Variants in SRBD1 observed in about 807,000 individuals in gnomAD.
SRBD1 encodes the protein S1 RNA-binding domain-containing protein 1.
In SRBD1, 88 loss-of-function variants were observed where a neutral mutation model predicts 115.3. That is an observed-to-expected ratio of 0.76 (90% CI 0.64 to 0.91). The LOEUF is 0.91. SRBD1 is among the 40% of genes least tolerant of loss of function. The pLI is 0.00. For missense variants in SRBD1, 1,385 were observed against 1,177.4 expected (o/e 1.18, Z -2.58); for synonymous variants, 509 against 407.7 (o/e 1.25, Z -2.99).
At chr2:45,417,698 A>C (rs1034030769) in intron 18 of SRBD1, among the ~76,000 whole-genome samples, 1 of 152,138 alleles carries the variant, frequency 6.6e-6, no homozygotes, top group Non-Finnish European at 1.5e-5. Flanking sequence ...AAAATAAAGA[A>C]ATTTAGCTCT....
chr2:45,457,457 T>C (rs1326132686), intron 16 of SRBD1, among the ~76,000 whole-genome samples: 1 of 151,970 alleles, frequency 6.6e-6, no homozygotes, highest in African/African-American at 2.4e-5. Context: ...CAGCTGTGCA[T>C]ATGAAAATAT....
chr2:45,392,303 T>G (rs1237684951), intron 20 of SRBD1, among the ~76,000 whole-genome samples: 1 of 152,164 alleles, frequency 6.6e-6, no homozygotes. Flanking sequence ...ATAAGACCAG[T>G]GAGCGGATTC....
intron 4 of SRBD1, among the ~76,000 whole-genome samples, chr2:45,590,408 T>C (rs561834578): frequency 2.6e-5 from 4 of 152,104 alleles, no homozygotes; most frequent in Admixed American, 6.5e-5. Context: ...GAGTAGAAAT[T>C]ATGGTTCAGG....
At chr2:45,552,991 TATA>T (rs1572767581) in intron 11 of SRBD1, among the ~76,000 whole-genome samples, 1 of 152,190 alleles carries the variant, frequency 6.6e-6, no homozygotes, top group Non-Finnish European at 1.5e-5. Context: ...GAAGATAATC[TATA>T]ATATTTTGGA....
In SRBD1 at chr2:45,571,517, CAAAAAAAA is replaced by C. The variant is rs58100763; in HGVS notation, c.1305+1682_1305+1689del. Among the ~76,000 whole-genome samples the C allele has an allele frequency of 8.4e-4, 33 of 39,406 alleles. 2 individuals are homozygous for C. Among genetic ancestry groups the C allele is most frequent in the South Asian group, 1.4e-3 (1 of 734 alleles). The allele number at this position is 39,406 out of a possible 152,430, so 25.9% of individuals were successfully genotyped here. ...AAAATACAACATATCCAGACTTTAC[CAAAAAAAA>C]AAAAAAAAAAAAAAAAACTGTCCAT... On this transcript the variant is annotated intron_variant, in intron 9 of 20. Transcript: ENST00000263736.
intron 14 of SRBD1, among the ~76,000 whole-genome samples, chr2:45,510,484 C>G (rs546419313): frequency 3.3e-5 from 5 of 152,230 alleles, no homozygotes; most frequent in Admixed American, 2.0e-4. Context: ...AAAAATCTTT[C>G]CACTGTGTTA....
In SRBD1 at chr2:45,473,039, T is replaced by C. The variant is rs117922525; in HGVS notation, c.2049+3954A>G. ...TTTTTAAAGTCTTAAGTTCTATTAATAGGGGAAGTTAGCCCATTCACTTTT... is the reference window on the plus strand; with the variant it reads ...TTTTTAAAGTCTTAAGTTCTATTAACAGGGGAAGTTAGCCCATTCACTTTT... On this transcript the variant is annotated intron_variant, in intron 16 of 20. Transcript: ENST00000263736. 2.2e-4 allele frequency among the ~76,000 whole-genome samples: 33 copies of C among 152,010 alleles called. 1 individual carries two copies. The East Asian group carries it at 5.6e-3, about 26-fold the overall frequency.
At chr2:45,420,427 C>T (rs1667961610) in intron 16 of SRBD1, among the ~76,000 whole-genome samples, 1 of 152,138 alleles carries the variant, frequency 6.6e-6, no homozygotes, top group South Asian at 2.1e-4. Context: ...AAATTGAAGA[C>T]AGTACTGTTT....
chr2:45,572,436 T>C (rs779697271), intron 9 of SRBD1, among the ~76,000 whole-genome samples: 3 of 152,160 alleles, frequency 2.0e-5, no homozygotes, highest in Non-Finnish European at 4.4e-5. Flanking sequence ...GTACATTTTA[T>C]GTTATGTTCA....
chr2:45,523,657 G>A (rs1391690263), intron 14 of SRBD1, among the ~76,000 whole-genome samples: 1 of 151,298 alleles, frequency 6.6e-6, no homozygotes, highest in Non-Finnish European at 1.5e-5. Flanking sequence ...TAGACAATCT[G>A]AATAGACCAA....
chr2:45,490,440 C>A lies in SRBD1; in HGVS notation c.1875-2109G>T, dbSNP rs181140819. On this transcript the variant is annotated intron_variant, in intron 14 of 20. Coordinates refer to ENST00000263736, the MANE Select transcript of SRBD1 (RefSeq NM_018079.5). The stretch of plus-strand genomic sequence containing the variant: ...ACTACAGGATAAGAATATTTAGCCA[C>A]CACCTATGGAAAATTCATTTTTAAA... Among the ~76,000 whole-genome samples, 46 of 152,206 alleles carry A rather than the reference C, an allele frequency of 3.0e-4. 1 individual carries two copies. In the East Asian group the frequency reaches 6.2e-3, roughly 20 times the overall value.
chr2:45,599,937 A>G (rs1272892439), intron 3 of SRBD1, 102 bp from the exon 4 acceptor site: 2 of 1,306,724 alleles, frequency 1.5e-6, no homozygotes, highest in South Asian at 1.5e-5. Context: ...GATACACACA[A>G]TAACTTGGAA....
chr2:45,474,093 AT>A (rs1286134219), intron 16 of SRBD1, among the ~76,000 whole-genome samples: 1 of 152,190 alleles, frequency 6.6e-6, no homozygotes, highest in African/African-American at 2.4e-5. Flanking sequence ...ACATTCTTAA[AT>A]TCTAAGATAT....
At chr2:45,546,159 G>T in intron 14 of SRBD1, 2 of 985,368 alleles carry the variant, frequency 2.0e-6, no homozygotes, top group Non-Finnish European at 2.4e-6. Context: ...AAAGAAAGCA[G>T]AACTACTACA....
chr2:45,412,327 T>C (rs994014477), intron 19 of SRBD1, among the ~76,000 whole-genome samples: 4 of 152,146 alleles, frequency 2.6e-5, no homozygotes, highest in Non-Finnish European at 5.9e-5. Flanking sequence ...TCACAGAATA[T>C]TATTTTTTAC....
intron 14 of SRBD1, among the ~76,000 whole-genome samples, chr2:45,533,201 C>T (rs1234774497): frequency 6.6e-6 from 1 of 151,984 alleles, no homozygotes; most frequent in Admixed American, 6.6e-5. Context: ...ATCCCTCACA[C>T]ATCTAATTTA....
At chr2:45,471,146 T>C (rs2103802729) in intron 16 of SRBD1, among the ~76,000 whole-genome samples, 1 of 152,272 alleles carries the variant, frequency 6.6e-6, no homozygotes, top group East Asian at 1.9e-4. Context: ...GGAAATCTAT[T>C]AATGGCTATA....
In SRBD1 at chr2:45,601,950, G is replaced by A. The variant is rs368355636; in HGVS notation, c.214C>T (p.Pro72Ser). 3 of 1,614,020 alleles carry A rather than the reference G, an allele frequency of 1.9e-6. No individual in the cohort carries two copies. Among genetic ancestry groups the A allele is most frequent in the African/African-American group, 1.3e-5 (1 of 74,904 alleles). The change falls in exon 3 of 21, where the codon CCA becomes TCA. Residue 72 changes from proline (P) to serine (S), a missense_variant. Transcript: ENST00000263736. ...KRMPRVKKNA[P>S]QISDGSEVVV... ...ACTTCTGAGCCATCACTGATCTGTG[G>A]GGCATTCTTCTTCACCCGAGGCATC... is the stretch of plus-strand genomic sequence containing the variant.
intron 18 of SRBD1, among the ~76,000 whole-genome samples, chr2:45,416,386 T>A (rs908860393): frequency 1.3e-5 from 2 of 152,184 alleles, no homozygotes; most frequent in Non-Finnish European, 2.9e-5. Flanking sequence ...GATGTAACAG[T>A]CACAAATCTT....
Sources: allele counts gnomAD v4.1 joint callset (sites outside exome capture counted in the v4.1 genomes callset), GRCh38; gene constraint gnomAD v4.1.1; transcripts MANE v1.5; gene names NCBI Gene and HGNC (gene_info 2026-07-23, HGNC 2026-07-21).